The following EPC2 variants were observed in gnomAD, a reference collection of about 807,000 sequenced individuals.
EPC2 encodes enhancer of polycomb 2.
In EPC2, 14 loss-of-function variants were observed where a neutral mutation model predicts 92.1. The observed-to-expected ratio is 0.15, with a 90% CI of 0.10 to 0.24. The LOEUF is 0.24. Among genes scored for constraint, EPC2 ranks in the 10% least tolerant of loss-of-function variants. The pLI, the probability that EPC2 is intolerant of heterozygous loss-of-function variation, is 1.00. For missense variants in EPC2, 755 were observed against 971.5 expected (o/e 0.78, Z 2.96); for synonymous variants, 340 against 334.7 (o/e 1.02, Z -0.17).
intron 1 of EPC2, among the ~76,000 whole-genome samples, chr2:148,679,021 C>G (rs1313592537): frequency 3.3e-5 from 5 of 152,190 alleles, no homozygotes; most frequent in African/African-American, 1.2e-4. Flanking sequence ...AGCACCCCAG[C>G]CTGGGTGACA....
chr2:148,707,281 T>G (rs1307766209), intron 2 of EPC2, among the ~76,000 whole-genome samples: 1 of 152,122 alleles, frequency 6.6e-6, no homozygotes, highest in African/African-American at 2.4e-5. Context: ...AGGGATCAAT[T>G]CAACAAGAAG....
chr2:148,704,766 C>T (rs1354627615), intron 2 of EPC2, among the ~76,000 whole-genome samples: 1 of 152,212 alleles, frequency 6.6e-6, no homozygotes, highest in African/African-American at 2.4e-5. Flanking sequence ...AGGGATATAA[C>T]TTAGCCCAGA....
intron 1 of EPC2, among the ~76,000 whole-genome samples, chr2:148,653,232 G>A (rs1018755969): frequency 4.6e-5 from 7 of 152,156 alleles, no homozygotes; most frequent in African/African-American, 1.4e-4. Context: ...TGGTCACTTG[G>A]ATTGAGTTTC....
intron 2 of EPC2, among the ~76,000 whole-genome samples, chr2:148,690,899 T>C (rs1681632188): frequency 6.6e-6 from 1 of 152,148 alleles, no homozygotes; most frequent in African/African-American, 2.4e-5. Context: ...CTGACCTCAG[T>C]TGATCCACCC....
chr2:148,745,736 G>A lies in EPC2; in HGVS notation c.459+1969G>A, dbSNP rs529824627. On this transcript the variant is annotated intron_variant, in intron 3 of 13. Coordinates refer to ENST00000258484, the MANE Select transcript of EPC2 (RefSeq NM_015630.4). ...CTATCTTCATTCCATTCCCTGATCT[G>A]TTAATTTATGGATCTCTTTACTTTT... Among the ~76,000 whole-genome samples the A allele has an allele frequency of 1.7e-4, 26 of 152,198 alleles. No homozygotes were observed. In the South Asian group the frequency reaches 3.5e-3, roughly 21 times the overall value.
chr2:148,713,662 ATTT>A (rs1431964761), intron 2 of EPC2, among the ~76,000 whole-genome samples: 3 of 151,992 alleles, frequency 2.0e-5, no homozygotes, highest in Non-Finnish European at 2.9e-5. Context: ...AGTATATACC[ATTT>A]TTTATCTTTT....
intron 2 of EPC2, among the ~76,000 whole-genome samples, chr2:148,699,061 T>C (rs1681820915): frequency 6.6e-6 from 1 of 152,148 alleles, no homozygotes; most frequent in Non-Finnish European, 1.5e-5. Flanking sequence ...ACCTTAATTA[T>C]TGAGAAGTTT....
intron 1 of EPC2, among the ~76,000 whole-genome samples, chr2:148,686,272 A>G (rs969134785): frequency 1.3e-5 from 2 of 152,232 alleles, no homozygotes; most frequent in African/African-American, 4.8e-5. Flanking sequence ...ATCCATAAGA[A>G]ACAACTCCTC....
At chr2:148,682,337 A>G (rs1019697717) in intron 1 of EPC2, among the ~76,000 whole-genome samples, 6 of 152,184 alleles carry the variant, frequency 3.9e-5, no homozygotes, top group African/African-American at 1.4e-4. Context: ...CACTCCCACC[A>G]ACAGTGTAAA....
At chr2:148,707,847 C>T (rs1369970974) in intron 2 of EPC2, among the ~76,000 whole-genome samples, 1 of 152,184 alleles carries the variant, frequency 6.6e-6, no homozygotes, top group East Asian at 1.9e-4. Flanking sequence ...ACATTTAAAG[C>T]AGTGTGTGAG....
rs185786053 is a variant in EPC2 at position 148,671,670 on chromosome 2, A to T, written c.154-18544A>T. 9.5e-4 allele frequency among the ~76,000 whole-genome samples: 145 copies of T among 152,134 alleles called. 1 individual carries two copies. The highest frequency in any genetic ancestry group is 3.3e-3 in the African/African-American group (137 of 41,516). ...TTTAATTTTCTTTGGCTTGAATTCT[A>T]CTTGTATTAGGATCTGCTTGCATTT... On this transcript the variant is annotated intron_variant, in intron 1 of 13. Transcript: ENST00000258484.
intron 2 of EPC2, among the ~76,000 whole-genome samples, chr2:148,718,172 C>T (rs1682296124): frequency 6.6e-6 from 1 of 152,128 alleles, no homozygotes; most frequent in African/African-American, 2.4e-5. Context: ...GGTAGCGTAG[C>T]AATGGGTCTT....
At chr2:148,761,662 GA>G in intron 4 of EPC2, 119 bp from the exon 5 acceptor site, 1 of 648,390 alleles carries the variant, frequency 1.5e-6, no homozygotes, top group Non-Finnish European at 2.4e-6. Context: ...TTGCTGTTCA[GA>G]TTTTTTTTAA....
chr2:148,778,887 G>A (rs1264141117), intron 10 of EPC2, among the ~76,000 whole-genome samples: 1 of 152,138 alleles, frequency 6.6e-6, no homozygotes, highest in African/African-American at 2.4e-5. Flanking sequence ...AAAAATGAAT[G>A]TAATTTTTTA....
At chr2:148,709,689 C>T in intron 2 of EPC2, among the ~76,000 whole-genome samples, 1 of 152,124 alleles carries the variant, frequency 6.6e-6, no homozygotes, top group East Asian at 1.9e-4. Context: ...AGAAATAATG[C>T]CACATATCTA....
rs529517426 is a variant in EPC2 at position 148,668,982 on chromosome 2, T to A, written c.154-21232T>A. On this transcript the variant is annotated intron_variant, in intron 1 of 13. Transcript: ENST00000258484. ...ATGCTGAAACCTTTTTCTATTTTAA[T>A]ACAGGTGTTTAGTGCTGCAAATTTT... Among the ~76,000 whole-genome samples, 9 of 152,314 alleles carry A rather than the reference T, an allele frequency of 5.9e-5. No homozygotes were observed. In the East Asian group the frequency reaches 1.7e-3, roughly 29 times the overall value.
At chr2:148,669,934 G>T (rs539549583) in intron 1 of EPC2, among the ~76,000 whole-genome samples, 6 of 152,120 alleles carry the variant, frequency 3.9e-5, no homozygotes, top group Non-Finnish European at 8.8e-5. Context: ...TGTTTCTCCA[G>T]CCTCGGGTAG....
intron 2 of EPC2, chr2:148,691,953 A>C: frequency 2.6e-6 from 1 of 385,132 alleles, no homozygotes; most frequent in East Asian, 6.4e-5. Context: ...ATATATAGTA[A>C]TGTTGTGTCT....
chr2:148,700,136 A>G (rs944844082), intron 2 of EPC2, among the ~76,000 whole-genome samples: 10 of 151,936 alleles, frequency 6.6e-5, no homozygotes, highest in African/African-American at 2.2e-4. Flanking sequence ...TCCTGTAGAG[A>G]TATGTATTTT....
Sources: gnomAD v4.1 joint callset for allele counts (sites outside exome capture counted in the v4.1 genomes callset) on GRCh38, gnomAD v4.1.1 for gene constraint, MANE v1.5 for transcripts, NCBI Gene and HGNC (gene_info 2026-07-23, HGNC 2026-07-21) for gene names.